Variants in BMPER observed in about 807,000 individuals in gnomAD.
BMPER encodes the protein BMP binding endothelial regulator.
BMPER carries 45 observed loss-of-function variants against 87.3 expected under a neutral mutation model. The ratio of observed to expected loss-of-function variants is 0.52; its 90% CI spans 0.41 to 0.66. BMPER has a LOEUF of 0.66. Among genes scored for constraint, BMPER ranks in the 30% least tolerant of loss-of-function variants. BMPER has a pLI of 0.00. For synonymous variants in BMPER, 326 were observed against 316.2 expected (o/e 1.03, Z -0.33); for missense variants, 784 against 867.5 (o/e 0.90, Z 1.21).
chr7:34,115,274 T>C (rs1457783413), intron 13 of BMPER, among the ~76,000 whole-genome samples: 1 of 152,234 alleles, frequency 6.6e-6, no homozygotes, highest in Non-Finnish European at 1.5e-5. Flanking sequence ...GAGAGATAAC[T>C]AATCTCTTGA....
chr7:34,048,273 A>G (rs567339967), intron 7 of BMPER, among the ~76,000 whole-genome samples: 11 of 152,230 alleles, frequency 7.2e-5, no homozygotes, highest in Non-Finnish European at 1.6e-4. Context: ...CTCCTCTTTG[A>G]TGGCTTCTTC....
At chr7:34,112,265 C>T (rs925561134) in intron 13 of BMPER, among the ~76,000 whole-genome samples, 5 of 151,786 alleles carry the variant, frequency 3.3e-5, no homozygotes, top group Admixed American at 1.3e-4. Context: ...GAGGCTGAGG[C>T]GGGCGGATCA....
chr7:33,991,076 T>C (rs1287731488), intron 6 of BMPER, among the ~76,000 whole-genome samples: 1 of 146,994 alleles, frequency 6.8e-6, no homozygotes, highest in Non-Finnish European at 1.5e-5. Flanking sequence ...TCTAAAATTC[T>C]CTTTTTTGGT....
chr7:34,033,037 G>A (rs935708341), intron 6 of BMPER, among the ~76,000 whole-genome samples: 1 of 152,074 alleles, frequency 6.6e-6, no homozygotes, highest in East Asian at 1.9e-4. Flanking sequence ...ACACTAAATG[G>A]TCATTGTATA....
At chr7:33,997,049 C>T (rs892445097) in intron 6 of BMPER, among the ~76,000 whole-genome samples, 1 of 152,062 alleles carries the variant, frequency 6.6e-6, no homozygotes, top group Non-Finnish European at 1.5e-5. Flanking sequence ...CTCAACAGGA[C>T]CCTCCCTCCT....
At chr7:34,089,494 A>T (rs1025196460) in intron 13 of BMPER, among the ~76,000 whole-genome samples, 2 of 151,810 alleles carry the variant, frequency 1.3e-5, no homozygotes, top group African/African-American at 2.4e-5. Flanking sequence ...TTATTTATTT[A>T]TTTTTTTGAG....
rs565750089 is a variant in BMPER at position 34,056,236 on chromosome 7, G to A, written c.927+933G>A. Among the ~76,000 whole-genome samples the A allele has an allele frequency of 2.0e-5, 3 of 152,120 alleles. No individual in the cohort carries two copies. The South Asian group carries it at 6.2e-4, about 32-fold the overall frequency. The stretch of plus-strand genomic sequence containing the variant: ...GGAACAACACACACTAGGGCCTGTT[G>A]GGGGGTAGGGTGGAGGGAGGGAGAG... On this transcript the variant is annotated intron_variant, in intron 9 of 14. Transcript: ENST00000649409.
At chr7:33,934,269 A>G (rs1784549958) in intron 2 of BMPER, among the ~76,000 whole-genome samples, 1 of 152,162 alleles carries the variant, frequency 6.6e-6, no homozygotes, top group African/African-American at 2.4e-5. Flanking sequence ...GCTGGACTCA[A>G]TTAAGGAAAT....
At chr7:34,001,480 A>G (rs562463134) in intron 6 of BMPER, among the ~76,000 whole-genome samples, 1 of 150,692 alleles carries the variant, frequency 6.6e-6, no homozygotes, top group South Asian at 2.1e-4. Context: ...TGTTCATAAT[A>G]GTCCCTCATA....
chr7:33,955,002 A>T (rs1429851509), intron 3 of BMPER, among the ~76,000 whole-genome samples: 2 of 152,120 alleles, frequency 1.3e-5, no homozygotes, highest in Non-Finnish European at 2.9e-5. Context: ...GGTTCAAGCG[A>T]TTCTCCTGCC....
Position 33,920,768 on chromosome 7 carries a change from A to C in BMPER, c.219+13865A>C, listed in dbSNP as rs577919960. ...TAAACCCTTCCAGTGACTTTTATGC[A>C]GTGGCCAATTTTTGAAACACTCTTT... On this transcript the variant is annotated intron_variant, in intron 2 of 14. Coordinates refer to ENST00000649409, the MANE Select transcript of BMPER (RefSeq NM_001365308.1). 3.3e-5 allele frequency among the ~76,000 whole-genome samples: 5 copies of C among 151,926 alleles called. No homozygotes were observed. In the South Asian group the frequency reaches 1.0e-3, roughly 32 times the overall value.
At chr7:33,975,824 A>T (rs1214039049) in intron 6 of BMPER, among the ~76,000 whole-genome samples, 2 of 152,190 alleles carry the variant, frequency 1.3e-5, no homozygotes, top group African/African-American at 4.8e-5. Context: ...ATTTCTCTAC[A>T]TGTCTTTTCG....
chr7:33,984,474 A>G (rs1458875060), intron 6 of BMPER, among the ~76,000 whole-genome samples: 1 of 152,132 alleles, frequency 6.6e-6, no homozygotes, highest in Non-Finnish European at 1.5e-5. Context: ...CAAAAAAAAA[A>G]AGTGCTTATC....
At chr7:33,939,568 A>G (rs572485647) in intron 3 of BMPER, among the ~76,000 whole-genome samples, 2 of 152,278 alleles carry the variant, frequency 1.3e-5, no homozygotes, top group East Asian at 3.9e-4. Flanking sequence ...TGTAATCCCC[A>G]TATGTCAAGG....
intron 13 of BMPER, among the ~76,000 whole-genome samples, chr7:34,128,476 T>A (rs1487501262): frequency 6.6e-6 from 1 of 152,202 alleles, no homozygotes; most frequent in Non-Finnish European, 1.5e-5. Flanking sequence ...AAGTAGAGAT[T>A]TATTAAAAGA....
Position 34,079,093 on chromosome 7 carries a change from C to G in BMPER, c.1315C>G (p.Arg439Gly), listed in dbSNP as rs764627514. Residue 439 changes from arginine to glycine, a missense_variant, in exon 12 of 15, where the codon CGC (arginine) becomes GGC (glycine). Arg to Gly is a moderately radical substitution (Grantham distance 125). Coordinates refer to ENST00000649409, the MANE Select transcript of BMPER (RefSeq NM_001365308.1). The part of the protein sequence containing the change: ...RVSLQQHLTV[R>G]WNGSRIALPC... Reference sequence around the variant, plus strand: ...CAGCCTGCAGCAGCACCTCACCGTGCGCTGGAACGGCTCGCGCATCGCGCT... The same window carrying G: ...CAGCCTGCAGCAGCACCTCACCGTGGGCTGGAACGGCTCGCGCATCGCGCT... 2 of 1,614,012 alleles carry G rather than the reference C, an allele frequency of 1.2e-6. No homozygotes were observed. Among genetic ancestry groups the G allele is most frequent in the Non-Finnish European group, 1.7e-6 (2 of 1,179,972 alleles).
intron 13 of BMPER, among the ~76,000 whole-genome samples, chr7:34,101,203 A>G (rs553334920): frequency 6.6e-6 from 1 of 152,354 alleles, no homozygotes; most frequent in African/African-American, 2.4e-5. Flanking sequence ...TCTATATTTT[A>G]ATAGAAGCAT....
chr7:33,983,420 A>G (rs528970565), intron 6 of BMPER, among the ~76,000 whole-genome samples: 16 of 152,340 alleles, frequency 1.1e-4, no homozygotes, highest in Non-Finnish European at 2.4e-4. Flanking sequence ...ATGAAAATGC[A>G]TAGTTTGAAA....
chr7:33,913,552 G>A (rs1336350918), intron 2 of BMPER, among the ~76,000 whole-genome samples: 1 of 152,144 alleles, frequency 6.6e-6, no homozygotes, highest in East Asian at 1.9e-4. Flanking sequence ...GAAAGAAGGT[G>A]TTGGGATAAA....
Sources: allele counts gnomAD v4.1 joint callset (sites outside exome capture counted in the v4.1 genomes callset), GRCh38; gene constraint gnomAD v4.1.1; transcripts MANE v1.5; gene names NCBI Gene and HGNC (gene_info 2026-07-23, HGNC 2026-07-21).